The following SV2C variants were observed in gnomAD, a reference collection of about 807,000 sequenced individuals.
SV2C encodes synaptic vesicle glycoprotein 2C, also known as solute carrier family 22 member B3.
In SV2C, 49 loss-of-function variants were observed where a neutral mutation model predicts 79.7. The observed-to-expected ratio is 0.61, with a 90% CI of 0.49 to 0.78. The LOEUF (loss-of-function observed/expected upper bound fraction) is 0.78, where lower values mean the gene tolerates loss of function less well. Ranked by LOEUF, SV2C falls within the 30% of genes least tolerant of loss-of-function variation. SV2C has a pLI of 0.00. For synonymous variants in SV2C, 334 were observed against 333.2 expected, an observed-to-expected ratio of 1.00 and a Z score of -0.03; for missense variants, 833 against 912.9, an observed-to-expected ratio of 0.91 and a Z score of 1.13.
chr5:76,006,799 TC>T, the SV2C span, among the ~76,000 whole-genome samples: 2 of 127,756 alleles, frequency 1.6e-5, no homozygotes, highest in African/African-American at 3.1e-5. Context: ...TTGTTGTTCC[TC>T]TGATATTCTA....
chr5:75,973,125 A>G, the SV2C span, among the ~76,000 whole-genome samples: 4 of 151,926 alleles, frequency 2.6e-5, no homozygotes, highest in Non-Finnish European at 4.4e-5. Context: ...GAATTGAACA[A>G]TGAGAACACA....
At position 76,083,415 on chromosome 5, in the gene SV2C, A is replaced by G. The variant is rs1016295702; in HGVS notation, c.-199A>G. On this transcript the variant is annotated 5_prime_UTR_variant, in exon 1 of 13. Transcript: ENST00000502798. ...CGCGCGCTGCAGGCGAGAGTGGCAG[A>G]CGGAGGCAGCCCGGGGAAGCGAGCC... 1 of 152,428 alleles carries G rather than the reference A, an allele frequency of 6.6e-6. No homozygotes were observed. Among genetic ancestry groups the G allele is most frequent in the South Asian group, 2.1e-4 (1 of 4,838 alleles). 9.4% of individuals were successfully genotyped at this position (152,428 alleles called of 1,614,324 possible). A position where few individuals can be genotyped will look rare whatever the true frequency, so the allele number is the denominator to read the frequency against.
intron 12 of SV2C, among the ~76,000 whole-genome samples, chr5:76,303,886 T>G (rs1489429479): frequency 1.3e-5 from 2 of 152,152 alleles, no homozygotes; most frequent in Non-Finnish European, 2.9e-5. Flanking sequence ...AGAGCTGCAA[T>G]GCAACTCTAA....
At chr5:76,029,374 A>G in the SV2C span, among the ~76,000 whole-genome samples, 1 of 151,922 alleles carries the variant, frequency 6.6e-6, no homozygotes, top group Non-Finnish European at 1.5e-5. Flanking sequence ...CATCTCCCCA[A>G]CCCCCTAACC....
rs143009183 is a variant in SV2C, at chr5:76,129,877, A to G, written c.-101-1773A>G. On this transcript the variant is annotated intron_variant, in intron 1 of 12. Transcript: ENST00000502798. ...TGATTATGTACAGGAAGCAGCTGAT[A>G]TGCAGTGTCTGATGTGGTCATCCGT... Among the ~76,000 whole-genome samples, 9 of 152,320 alleles carry G rather than the reference A, an allele frequency of 5.9e-5. 1 individual carries two copies. In the East Asian group the frequency reaches 1.7e-3, roughly 29 times the overall value.
intron 12 of SV2C, among the ~76,000 whole-genome samples, chr5:76,351,495 T>C (rs1432150175): frequency 6.6e-6 from 1 of 152,088 alleles, no homozygotes; most frequent in Non-Finnish European, 1.5e-5. Flanking sequence ...TAGATAGTAT[T>C]TTGCTTTGGA....
the SV2C span, among the ~76,000 whole-genome samples, chr5:75,907,246 G>A: frequency 1.3e-5 from 2 of 152,178 alleles, no homozygotes; most frequent in African/African-American, 2.4e-5. Context: ...TTAAGGACAG[G>A]TGGAGGAGCT....
At position 76,109,570 on chromosome 5, in the gene SV2C, G is replaced by A. The variant is rs548622575; in HGVS notation, c.-101-22080G>A. Among the ~76,000 whole-genome samples the A allele has an allele frequency of 5.9e-5, 9 of 152,262 alleles. No individual in the cohort carries two copies. The South Asian group carries it at 1.5e-3, about 25-fold the overall frequency. ...GAATGTGCCCTTGTTTGGAAGTAAG[G>A]TTTTTGCAGATGCAATCAAGTTAAG... On this transcript the variant is annotated intron_variant, in intron 1 of 12. Transcript: ENST00000502798.
intron 2 of SV2C, among the ~76,000 whole-genome samples, chr5:76,164,726 G>GTGTGTGTGTGTA (rs1742997304): frequency 6.6e-6 from 1 of 150,684 alleles, no homozygotes; most frequent in Admixed American, 6.6e-5. Flanking sequence ...AACTCAGTGT[G>GTGTGTGTGTGTA]TGTGTGTGTG....
At chr5:75,899,455 T>C in the SV2C span, among the ~76,000 whole-genome samples, 1 of 151,506 alleles carries the variant, frequency 6.6e-6, no homozygotes, top group African/African-American at 2.4e-5. Context: ...AATTTCTGTT[T>C]TACATTTGCT....
chr5:75,973,134 C>T, the SV2C span, among the ~76,000 whole-genome samples: 2 of 151,490 alleles, frequency 1.3e-5, no homozygotes, highest in Non-Finnish European at 2.9e-5. Flanking sequence ...AATGAGAACA[C>T]ATGGACACAG....
chr5:76,062,887 C>G, the SV2C span, among the ~76,000 whole-genome samples: 1 of 152,098 alleles, frequency 6.6e-6, no homozygotes, highest in African/African-American at 2.4e-5. Context: ...AAAGCAATAC[C>G]TCTTTTGAAT....
chr5:76,300,376 G>T (rs957586299), intron 10 of SV2C, among the ~76,000 whole-genome samples: 1 of 152,004 alleles, frequency 6.6e-6, no homozygotes, highest in Admixed American at 6.6e-5. Flanking sequence ...GTACTATAAT[G>T]ATAGTCTTTA....
At chr5:76,190,285 A>G (rs927915425) in intron 2 of SV2C, among the ~76,000 whole-genome samples, 11 of 152,362 alleles carry the variant, frequency 7.2e-5, no homozygotes, top group African/African-American at 2.6e-4. Context: ...AACTCCTAGT[A>G]CAAAAAGGAA....
chr5:76,336,182 G>T (rs1749321170), downstream of SV2C, among the ~76,000 whole-genome samples: 1 of 151,710 alleles, frequency 6.6e-6, no homozygotes. Context: ...TGGGGTGGCT[G>T]CCGGGCAGAG....
intron 4 of SV2C, among the ~76,000 whole-genome samples, chr5:76,263,158 T>C (rs1435224594): frequency 6.6e-6 from 1 of 152,270 alleles, no homozygotes; most frequent in Non-Finnish European, 1.5e-5. Context: ...GCTCTTCTTG[T>C]TGCATTGATC....
intron 12 of SV2C, among the ~76,000 whole-genome samples, chr5:76,308,413 T>C (rs557882839): frequency 1.3e-3 from 205 of 152,276 alleles, no homozygotes; most frequent in African/African-American, 4.8e-3. Flanking sequence ...GGCATCCCAA[T>C]GGTAGTGTTG....
At chr5:76,271,197 A>G (rs868079228) in intron 4 of SV2C, among the ~76,000 whole-genome samples, 8 of 152,290 alleles carry the variant, frequency 5.3e-5, no homozygotes, top group South Asian at 2.1e-4. Context: ...ATGATTTTCT[A>G]TGTTTCTTCC....
intron 3 of SV2C, among the ~76,000 whole-genome samples, chr5:76,202,772 G>A (rs1431806189): frequency 6.6e-6 from 1 of 152,190 alleles, no homozygotes; most frequent in Non-Finnish European, 1.5e-5. Context: ...CACTTGAAAT[G>A]TGACTAGTCC....
Sources: gnomAD v4.1 joint callset for allele counts (sites outside exome capture counted in the v4.1 genomes callset) on GRCh38, gnomAD v4.1.1 for gene constraint, MANE v1.5 for transcripts, NCBI Gene and HGNC (gene_info 2026-07-23, HGNC 2026-07-21) for gene names.